The following KLRG1 variants were observed in gnomAD, a reference collection of about 807,000 sequenced individuals.
KLRG1 encodes the protein killer cell lectin like receptor G1, also known as killer cell lectin-like receptor subfamily G member 1.
Under a neutral mutation model 21.8 loss-of-function variants are expected in KLRG1, and 16 were observed. That is an observed-to-expected ratio of 0.73 (90% CI 0.50 to 1.11). KLRG1 has a LOEUF of 1.11. Among genes scored for constraint, KLRG1 ranks in the 50% most tolerant of loss-of-function variants. The pLI, the probability that KLRG1 is intolerant of heterozygous loss-of-function variation, is 0.00. For missense variants in KLRG1, 173 were observed against 218.3 expected (o/e 0.79, Z 1.31); for synonymous variants, 69 against 75.9 (o/e 0.91, Z 0.47).
At chr12:9,093,678 T>G in the KLRG1 span, 1 of 661,378 alleles carries the variant, frequency 1.5e-6, no homozygotes, top group Non-Finnish European at 2.3e-6. Flanking sequence ...AAAAAACAAA[T>G]CGTCTGATGA....
chr12:9,184,966 C>T, the KLRG1 span, among the ~76,000 whole-genome samples: 4 of 152,120 alleles, frequency 2.6e-5, no homozygotes, highest in South Asian at 2.1e-4. Context: ...AACATCAGCC[C>T]GCAAAGATGA....
chr12:9,091,497 C>G, the KLRG1 span: 1 of 1,514,970 alleles, frequency 6.6e-7, no homozygotes. Flanking sequence ...GGAGAGAATC[C>G]CTAGGAATGA....
chr12:9,158,523 A>T, the KLRG1 span: 6 of 1,614,146 alleles, frequency 3.7e-6, no homozygotes, highest in Non-Finnish European at 5.1e-6. Context: ...TGCTTCATCA[A>T]TGAAGATGTA....
At chr12:9,133,615 A>G in the KLRG1 span, among the ~76,000 whole-genome samples, 1 of 152,220 alleles carries the variant, frequency 6.6e-6, no homozygotes, top group Non-Finnish European at 1.5e-5. Flanking sequence ...ATGATATGGC[A>G]TTTAAGCTGG....
the KLRG1 span, among the ~76,000 whole-genome samples, chr12:9,143,382 G>A: frequency 6.6e-6 from 1 of 152,138 alleles, no homozygotes. Flanking sequence ...GAAGAGTGGA[G>A]TTTGGGGCTG....
the KLRG1 span, among the ~76,000 whole-genome samples, chr12:9,047,879 C>G: frequency 2.0e-5 from 3 of 152,046 alleles, no homozygotes; most frequent in Admixed American, 6.6e-5. Flanking sequence ...AGGCAAAAAC[C>G]GATAGAACTG....
At chr12:9,020,314 C>A in the KLRG1 span, among the ~76,000 whole-genome samples, 1 of 152,102 alleles carries the variant, frequency 6.6e-6, no homozygotes, top group Non-Finnish European at 1.5e-5. Flanking sequence ...GTGTATATAT[C>A]CATGAAATCA....
the KLRG1 span, chr12:9,152,931 A>C: frequency 1.2e-6 from 2 of 1,614,136 alleles, no homozygotes; most frequent in Non-Finnish European, 1.7e-6. Flanking sequence ...TCTCTGGAAG[A>C]ATATTGTATT....
the KLRG1 span, among the ~76,000 whole-genome samples, chr12:9,198,168 G>A: frequency 6.6e-6 from 1 of 151,020 alleles, no homozygotes; most frequent in Non-Finnish European, 1.5e-5. Context: ...GGGTAACATA[G>A]CAGGACCCAA....
chr12:9,068,303 G>T, the KLRG1 span: 1 of 1,440,140 alleles, frequency 6.9e-7, no homozygotes, highest in African/African-American at 1.4e-5. Flanking sequence ...TGGGATACAG[G>T]CCAAGGAAGG....
the KLRG1 span, chr12:9,068,127 T>A: frequency 1.3e-6 from 2 of 1,576,698 alleles, no homozygotes; most frequent in South Asian, 1.2e-5. Flanking sequence ...GGAGAAGGTT[T>A]GGGGGGCAAG....
chr12:9,176,673 A>C, the KLRG1 span, among the ~76,000 whole-genome samples: 1 of 152,184 alleles, frequency 6.6e-6, no homozygotes, highest in Non-Finnish European at 1.5e-5. Context: ...CAGATGTAAG[A>C]TTGAGTCTTA....
the KLRG1 span, chr12:9,064,487 CTCCCCGGCCAGGAGCCTCCACCG>C: frequency 6.5e-6 from 1 of 154,924 alleles, no homozygotes; most frequent in East Asian, 1.9e-4. This position sits in a 1 kb window ranked among gnomAD's most constrained non-coding sequence, Gnocchi z 4.0. Context: ...GGGCGACGTG[CTCCCCGGCCAGGAGCCTCCACCG>C]CTCCGGACCC....
chr12:9,033,280 TA>T, the KLRG1 span, among the ~76,000 whole-genome samples: 155 of 151,870 alleles, frequency 1.0e-3, 4 homozygotes, highest in South Asian at 0.015. Flanking sequence ...CTAACAAAAA[TA>T]AAAAAATAAA....
chr12:9,186,788 G>A, the KLRG1 span, among the ~76,000 whole-genome samples: 3 of 147,034 alleles, frequency 2.0e-5, no homozygotes, highest in African/African-American at 7.5e-5. Context: ...ACTCATAAGT[G>A]GAAGTTGAAA....
chr12:9,105,936 T>C, the KLRG1 span, among the ~76,000 whole-genome samples: 29 of 152,162 alleles, frequency 1.9e-4, no homozygotes, highest in African/African-American at 7.0e-4. Flanking sequence ...TGGTAAACCA[T>C]GAGAAGGAGA....
chr12:9,203,807 C>T, the KLRG1 span: 6 of 1,614,098 alleles, frequency 3.7e-6, no homozygotes, highest in Non-Finnish European at 4.2e-6. Flanking sequence ...TCTCCGCCAC[C>T]AGGTCAGTGA....
At chr12:8,990,648 C>T (rs1468007139) in intron 1 of KLRG1, among the ~76,000 whole-genome samples, 2 of 151,886 alleles carry the variant, frequency 1.3e-5, no homozygotes, top group Non-Finnish European at 2.9e-5. Flanking sequence ...AGAAATATTA[C>T]GTTAGAAGTA....
At chr12:9,171,713 G>A in the KLRG1 span, among the ~76,000 whole-genome samples, 2 of 152,106 alleles carry the variant, frequency 1.3e-5, no homozygotes, top group East Asian at 3.9e-4. Context: ...ATCAGTAGCA[G>A]GATAGACCAA....
Sources: gnomAD v4.1 joint callset for allele counts (sites outside exome capture counted in the v4.1 genomes callset) on GRCh38, gnomAD v4.1.1 for gene constraint, Gnocchi (gnomAD v3.1) non-coding constraint, MANE v1.5 for transcripts, NCBI Gene and HGNC (gene_info 2026-07-23, HGNC 2026-07-21) for gene names.